Variants in MVK observed in about 807,000 individuals in gnomAD.
MVK encodes LH receptor mRNA-binding protein.
In MVK, 34 loss-of-function variants were observed where a neutral mutation model predicts 43.2. The ratio of observed to expected loss-of-function variants is 0.79; its 90% CI spans 0.60 to 1.05. MVK has a LOEUF of 1.05. Among genes scored for constraint, MVK ranks in the 50% least tolerant of loss-of-function variants. The pLI is 0.00. For missense variants in MVK, 395 were observed against 504.0 expected, an observed-to-expected ratio of 0.78 and a Z score of 2.07; for synonymous variants, 190 against 219.8, an observed-to-expected ratio of 0.86 and a Z score of 1.20.
upstream of MVK, chr12:109,573,454 A>G (rs1311011214): frequency 6.2e-7 from 1 of 1,606,992 alleles, no homozygotes; most frequent in Admixed American, 1.7e-5. Flanking sequence ...CCAGGCCAAG[A>G]CGGCTCCCCA....
At chr12:109,583,236 T>C (rs1250574276) in intron 5 of MVK, among the ~76,000 whole-genome samples, 2 of 152,106 alleles carry the variant, frequency 1.3e-5, no homozygotes, top group African/African-American at 4.8e-5. Flanking sequence ...CTCCTAATGC[T>C]ATCCCTCCCC....
In MVK at chr12:109,579,946, G is replaced by C; in HGVS notation, c.371G>C (p.Arg124Thr). 6.2e-7 allele frequency: 1 copy of C among 1,614,208 alleles called. No homozygotes were observed. The highest frequency in any genetic ancestry group is 8.5e-7 in the Non-Finnish European group (1 of 1,180,032). ...YLYLSICRKQRALPSLDIVVW... is the reference protein window; with the variant it reads ...YLYLSICRKQTALPSLDIVVW... The stretch of plus-strand genomic sequence containing the variant: ...TACCTGTCCATCTGCCGGAAGCAGA[G>C]GTGTGTGCGTGGTCTGGGGAAGGAG... The change falls in exon 4 of 11, where the codon AGG (arginine) becomes ACG (threonine). Residue 124 changes from arginine (R) to threonine (T), a missense_variant and splice_region_variant. Transcript: ENST00000228510.
intron 3 of MVK, among the ~76,000 whole-genome samples, chr12:109,578,287 A>G (rs1196201933): frequency 6.7e-6 from 1 of 149,380 alleles, no homozygotes. Flanking sequence ...TTTAAGAGGC[A>G]GGGTCTTACT....
At chr12:109,591,409 A>G in intron 9 of MVK, 52 bp downstream of exon 9, 1 of 1,514,142 alleles carries the variant, frequency 6.6e-7, no homozygotes, top group Non-Finnish European at 9.2e-7. Flanking sequence ...CCACTGTCCA[A>G]GGCAGTGGCT....
chr12:109,590,652 C>G, intron 7 of MVK, 119 bp from the exon 8 acceptor site: 1 of 869,728 alleles, frequency 1.1e-6, no homozygotes, highest in South Asian at 1.4e-5. Context: ...CCAGTGTCAC[C>G]TCTTGTGCCT....
intron 5 of MVK, among the ~76,000 whole-genome samples, chr12:109,584,746 G>T (rs536932695): frequency 6.6e-6 from 1 of 152,224 alleles, no homozygotes; most frequent in East Asian, 1.9e-4. Context: ...TTAGCCAGGC[G>T]TGGTGGCAGG....
intron 3 of MVK, among the ~76,000 whole-genome samples, 185 bp from the exon 4 acceptor site, chr12:109,579,617 A>C (rs1885124545): frequency 1.3e-5 from 2 of 152,262 alleles, no homozygotes; most frequent in Non-Finnish European, 2.9e-5. Flanking sequence ...TAAATGGCAC[A>C]GTTGGGACTC....
At chr12:109,596,216 C>G (rs1311340911) in intron 10 of MVK, among the ~76,000 whole-genome samples, 1 of 152,260 alleles carries the variant, frequency 6.6e-6, no homozygotes, top group African/African-American at 2.4e-5. Context: ...ATGTTTTTAA[C>G]TCTTGCTCCC....
At chr12:109,576,296 A>G in intron 3 of MVK, 151 bp downstream of exon 3, 2 of 1,005,350 alleles carry the variant, frequency 2.0e-6, no homozygotes, top group Non-Finnish European at 3.0e-6. Context: ...CACTCATTTT[A>G]TTTTTTTAAA....
At position 109,581,524 on chromosome 12, in the gene MVK, G is replaced by A. The variant is rs759055539; in HGVS notation, c.501G>A (p.Pro167=). The A allele has an allele frequency of 1.2e-5, 20 of 1,614,086 alleles. No homozygotes were observed. In the African/African-American group the frequency reaches 1.3e-4, roughly 11 times the overall value. The change falls in exon 5 of 11, where the codon CCG becomes CCA. Residue 167 remains proline, a synonymous_variant. Coordinates refer to ENST00000228510, the MANE Select transcript of MVK (RefSeq NM_000431.4). Reference sequence around the variant, plus strand: ...CTGTGTGCGAGGAGATCCCAAACCCGCTGAAGGACGGGGATTGCGTCAACA... The same window carrying A: ...CTGTGTGCGAGGAGATCCCAAACCCACTGAAGGACGGGGATTGCGTCAACA... The part of the protein sequence containing the change: ...LLTVCEEIPN[P]LKDGDCVNRW...
intron 2 of MVK, among the ~76,000 whole-genome samples, chr12:109,575,432 T>C (rs1012464826): frequency 3.3e-5 from 5 of 152,112 alleles, no homozygotes; most frequent in Non-Finnish European, 7.4e-5. Flanking sequence ...CTTTTTTTTT[T>C]TTTTCCTGAG....
Position 109,575,979 on chromosome 12 carries a change from T to C in MVK, c.79-19T>C. The C allele has an allele frequency of 6.2e-7, 1 of 1,614,052 alleles. No homozygotes were observed. The highest frequency in any genetic ancestry group is 2.2e-5 in the East Asian group (1 of 44,884). On this transcript the variant is annotated intron_variant, in intron 2 of 10. Coordinates refer to ENST00000228510, the MANE Select transcript of MVK (RefSeq NM_000431.4). ...GCCACTCACCCTCAGGCTTATTGCT[T>C]TTGTCATTTATTCTATAGGTAGCAC... is the stretch of plus-strand genomic sequence containing the variant.
rs1195482385 is a variant in MVK, at chr12:109,574,903, A to G, written c.78+3A>G. The G allele has an allele frequency of 6.2e-7, 1 of 1,606,716 alleles. No homozygotes were observed. The highest frequency in any genetic ancestry group is 8.5e-7 in the Non-Finnish European group (1 of 1,176,532). Reference sequence around the variant, plus strand: ...AACATGCCGTGGTACATGGCAAGGTACAAAGCCGTTAGAGCCTTTAAGGAT... The same window carrying G: ...AACATGCCGTGGTACATGGCAAGGTGCAAAGCCGTTAGAGCCTTTAAGGAT... On this transcript the variant is annotated splice_donor_region_variant and intron_variant, in intron 2 of 10. Coordinates refer to ENST00000228510, the MANE Select transcript of MVK (RefSeq NM_000431.4).
At chr12:109,574,783 C>A in intron 1 of MVK, 26 bp from the exon 2 acceptor site, 1 of 1,542,244 alleles carries the variant, frequency 6.5e-7, no homozygotes, top group Non-Finnish European at 8.8e-7. Context: ...GAGATCTTTG[C>A]TCTTCTCATT....
At position 109,590,840 on chromosome 12, in the gene MVK, C is replaced by T. The variant is rs144788669; in HGVS notation, c.747C>T (p.Gly249=). Residue 249 remains glycine, a synonymous_variant, in exon 8 of 11, where the codon GGC becomes GGT. Coordinates refer to ENST00000228510, the MANE Select transcript of MVK (RefSeq NM_000431.4). ...GCAATACCAGGGCCCTTGTGGCTGG[C>T]GTCAGAAACAGGCTGCTCAAGGTGA... ...VPRNTRALVA[G]VRNRLLKFPE... 44 of 1,613,930 alleles carry T rather than the reference C, an allele frequency of 2.7e-5. 1 individual carries two copies. Among genetic ancestry groups the T allele is most frequent in the Non-Finnish European group, 3.4e-5 (40 of 1,180,008 alleles).
At position 109,590,528 on chromosome 12, in the gene MVK, A is replaced by G. The variant is rs59573160; in HGVS notation, c.678-243A>G. ...CTGTGCCTAGCATGTTGTAGGTCCC[A>G]GTTGAAGTTGAATGAATAAATGAGT... On this transcript the variant is annotated intron_variant, in intron 7 of 10. Transcript: ENST00000228510. The G allele has an allele frequency of 0.053, 29,817 of 564,456 alleles. 1,083 individuals carry two copies. The highest frequency in any genetic ancestry group is 0.078 in the Middle Eastern group (161 of 2,068). 35.0% of individuals were successfully genotyped at this position (564,456 alleles called of 1,614,324 possible).
At chr12:109,573,363 C>A (rs1189614583), upstream of MVK, 2 of 1,613,118 alleles carry the variant, frequency 1.2e-6, no homozygotes, top group Non-Finnish European at 1.7e-6. Flanking sequence ...CCGTCTTCCA[C>A]GCCCTGAGGG....
chr12:109,596,576 G>C lies in MVK; in HGVS notation c.1190G>C (p.Ter397SerextTer34). Residue 397 changes from the stop codon to serine (S), a stop_lost, in exon 11 of 11, where the codon TGA becomes TCA. Transcript: ENST00000228510. ...SRVQQALDGL* is the reference protein window; with the variant it reads ...SRVQQALDGLS ...GTCCAGCAAGCCCTGGATGGCCTCTGAGAGGAGCCCACGACACTGCAGCCC... is the reference window on the plus strand; with the variant it reads ...GTCCAGCAAGCCCTGGATGGCCTCTCAGAGGAGCCCACGACACTGCAGCCC... The C allele has an allele frequency of 2.5e-6, 4 of 1,608,776 alleles. No individual in the cohort carries two copies. Among genetic ancestry groups the C allele is most frequent in the Non-Finnish European group, 3.4e-6 (4 of 1,179,926 alleles).
chr12:109,581,440 C>CG lies in MVK; in HGVS notation c.421dup (p.Ala141GlyfsTer46), dbSNP rs104895323. 3 of 1,614,146 alleles carry CG rather than the reference C, an allele frequency of 1.9e-6. No homozygotes were observed. Among genetic ancestry groups the CG allele is most frequent in the Non-Finnish European group, 2.5e-6 (3 of 1,180,010 alleles). On this transcript the variant is annotated frameshift_variant, in exon 5 of 11. Coordinates refer to ENST00000228510, the MANE Select transcript of MVK (RefSeq NM_000431.4). LOFTEE classifies it high-confidence loss of function. ...TCGTAGTGTGGTCGGAGCTGCCCCC[C>CG]GGGGCGGGCTTGGGCTCCAGCGCCG...
Sources: gnomAD v4.1 joint callset for allele counts (sites outside exome capture counted in the v4.1 genomes callset) on GRCh38, gnomAD v4.1.1 for gene constraint, MANE v1.5 for transcripts, NCBI Gene and HGNC (gene_info 2026-07-23, HGNC 2026-07-21) for gene names.